LRRIQ1: variants seen among roughly 807,000 people sequenced by gnomAD.
LRRIQ1 encodes leucine rich repeats and IQ motif containing 1.
A neutral mutation model predicts 211.9 loss-of-function variants in LRRIQ1; 210 were observed. That is an observed-to-expected ratio of 0.99 (90% CI 0.89 to 1.11). The LOEUF (loss-of-function observed/expected upper bound fraction) is 1.11. Ranked by LOEUF, LRRIQ1 falls within the 50% of genes most tolerant of loss-of-function variation. The pLI, the probability that LRRIQ1 is intolerant of heterozygous loss-of-function variation, is 0.00. For synonymous variants in LRRIQ1, 699 were observed against 650.1 expected (o/e 1.08, Z -1.14); for missense variants, 2,136 against 1,939.5 (o/e 1.10, Z -1.90).
chr12:85,221,145 T>G (rs552870032), intron 24 of LRRIQ1, among the ~76,000 whole-genome samples: 1 of 152,190 alleles, frequency 6.6e-6, no homozygotes, highest in Non-Finnish European at 1.5e-5. Context: ...CATTAGTTGT[T>G]AATTTTTATC....
intron 1 of LRRIQ1, among the ~76,000 whole-genome samples, chr12:85,254,756 G>T (rs1308953738): frequency 2.0e-5 from 3 of 151,864 alleles, no homozygotes; most frequent in Admixed American, 2.0e-4. Context: ...TTTTTGCAAG[G>T]TTCAAAGTAG....
exon 2 of LRRIQ1, chr12:85,263,074 A>G (rs922432402): frequency 2.0e-6 from 2 of 987,858 alleles, no homozygotes; most frequent in African/African-American, 3.5e-5. Flanking sequence ...TTAAGGCTTC[A>G]GCATTCAAAA....
chr12:85,190,125 TTA>T (rs1194787860), intron 24 of LRRIQ1, among the ~76,000 whole-genome samples: 2 of 142,698 alleles, frequency 1.4e-5, no homozygotes, highest in Non-Finnish European at 3.0e-5. Flanking sequence ...TCAATAATAA[TTA>T]TATTATATTT....
chr12:85,064,188 T>G (rs1405904598), intron 8 of LRRIQ1, among the ~76,000 whole-genome samples: 2 of 151,682 alleles, frequency 1.3e-5, no homozygotes, highest in South Asian at 2.1e-4. Context: ...CTCTCCAGCA[T>G]TTGCCTGACT....
rs1160225496 is a variant in LRRIQ1 at position 85,056,785 on chromosome 12, G to A, written c.1992G>A (p.Met664Ile). Residue 664 changes from methionine (M) to isoleucine (I), a missense_variant, in exon 8 of 27, where the codon ATG becomes ATA. By Grantham distance (10) the Met-to-Ile change is conservative. Coordinates refer to ENST00000393217, the MANE Select transcript of LRRIQ1 (RefSeq NM_001079910.2). ...GIVIFNTTDT[M>I]INIEGKRNDQ... Reference sequence around the variant, plus strand: ...TGATTTTTAACACAACTGATACCATGATAAATATAGAAGGCAAAAGAAATG... The same window carrying A: ...TGATTTTTAACACAACTGATACCATAATAAATATAGAAGGCAAAAGAAATG... 1.9e-6 allele frequency: 3 copies of A among 1,609,210 alleles called. No individual in the cohort carries two copies. Among genetic ancestry groups the A allele is most frequent in the Non-Finnish European group, 2.5e-6 (3 of 1,178,562 alleles).
chr12:85,097,282 A>G (rs1177145924), intron 11 of LRRIQ1, among the ~76,000 whole-genome samples: 2 of 152,176 alleles, frequency 1.3e-5, no homozygotes, highest in Admixed American at 6.6e-5. Context: ...GAATCATGAC[A>G]GAAGCTGAAG....
intron 11 of LRRIQ1, among the ~76,000 whole-genome samples, chr12:85,081,636 C>T (rs369951106): frequency 7.9e-5 from 12 of 151,624 alleles, no homozygotes; most frequent in South Asian, 2.1e-4. Context: ...TATTTAACTC[C>T]GCAAGGAAAA....
At chr12:85,101,995 A>G (rs978045338) in intron 13 of LRRIQ1, among the ~76,000 whole-genome samples, 4 of 151,786 alleles carry the variant, frequency 2.6e-5, no homozygotes, top group Admixed American at 2.0e-4. Flanking sequence ...TTAATATGCC[A>G]TTACTATTAA....
chr12:85,152,855 C>G (rs1890326228), intron 20 of LRRIQ1, among the ~76,000 whole-genome samples, 169 bp from the exon 21 acceptor site: 1 of 151,502 alleles, frequency 6.6e-6, no homozygotes, highest in African/African-American at 2.4e-5. Context: ...TCCACCACTA[C>G]AACAAAGGAC....
At chr12:85,234,952 T>C (rs945460584) in intron 26 of LRRIQ1, among the ~76,000 whole-genome samples, 1 of 152,180 alleles carries the variant, frequency 6.6e-6, no homozygotes, top group Non-Finnish European at 1.5e-5. Context: ...ATAATTAGAC[T>C]GACAGCTAAC....
At chr12:85,084,708 C>G (rs1163558991) in intron 11 of LRRIQ1, among the ~76,000 whole-genome samples, 1 of 151,788 alleles carries the variant, frequency 6.6e-6, no homozygotes, top group East Asian at 1.9e-4. Context: ...GGCAGATCAC[C>G]TGACGTCAGG....
intron 25 of LRRIQ1, among the ~76,000 whole-genome samples, chr12:85,230,208 A>C (rs1020407760): frequency 6.6e-6 from 1 of 152,310 alleles, no homozygotes; most frequent in Admixed American, 6.5e-5. Flanking sequence ...TGCTTAATTA[A>C]TTTTTGTTAT....
intron 15 of LRRIQ1, among the ~76,000 whole-genome samples, chr12:85,119,451 A>C (rs1250313911): frequency 6.6e-6 from 1 of 152,202 alleles, no homozygotes; most frequent in Non-Finnish European, 1.5e-5. Context: ...GGCGATTATG[A>C]ATAAAGCTGC....
At chr12:85,251,776 G>A (rs537705384) in intron 1 of LRRIQ1, among the ~76,000 whole-genome samples, 6 of 108,936 alleles carry the variant, frequency 5.5e-5, no homozygotes, top group African/African-American at 8.8e-5. Context: ...GAGAAGTGGC[G>A]CAAAAAAAAA....
chr12:85,087,638 A>G lies in LRRIQ1; in HGVS notation c.2888-10717A>G, dbSNP rs569566404. On this transcript the variant is annotated intron_variant, in intron 11 of 26. Transcript: ENST00000393217. The stretch of plus-strand genomic sequence containing the variant: ...CTGACTTTTTAATGATTGCCATTCT[A>G]ACTGGTGTGAGATAGTATCTCATTG... Among the ~76,000 whole-genome samples, 7 of 152,304 alleles carry G rather than the reference A, an allele frequency of 4.6e-5. No individual in the cohort carries two copies. The East Asian group carries it at 1.4e-3, about 29-fold the overall frequency.
At chr12:85,174,716 A>AAAAAAAAAAAAAAAAAAAT (rs1891600852) in intron 24 of LRRIQ1, among the ~76,000 whole-genome samples, 1 of 149,586 alleles carries the variant, frequency 6.7e-6, no homozygotes, top group Non-Finnish European at 1.5e-5. Flanking sequence ...AAAAAAAAAA[A>AAAAAAAAAAAAAAAAAAAT]AAAAAAATCT....
intron 1 of LRRIQ1, among the ~76,000 whole-genome samples, chr12:85,260,713 T>C (rs1896261161): frequency 6.6e-6 from 1 of 152,142 alleles, no homozygotes; most frequent in Non-Finnish European, 1.5e-5. Flanking sequence ...CAAACAATTT[T>C]TACTGCTGAG....
chr12:85,112,217 G>C (rs1887228021), intron 15 of LRRIQ1, among the ~76,000 whole-genome samples: 2 of 151,772 alleles, frequency 1.3e-5, no homozygotes, highest in Non-Finnish European at 1.5e-5. Flanking sequence ...ATCATCTCCT[G>C]AATAGCTAGA....
chr12:85,057,571 T>G (rs2136000692), intron 8 of LRRIQ1, among the ~76,000 whole-genome samples: 1 of 152,172 alleles, frequency 6.6e-6, no homozygotes, highest in Admixed American at 6.5e-5. Flanking sequence ...TGGCTGCTTT[T>G]GGAATAAAGT....
Sources: allele counts gnomAD v4.1 joint callset (sites outside exome capture counted in the v4.1 genomes callset), GRCh38; gene constraint gnomAD v4.1.1; transcripts MANE v1.5; gene names NCBI Gene and HGNC (gene_info 2026-07-23, HGNC 2026-07-21).